The following CSMD1 variants were observed in gnomAD, a reference collection of about 807,000 sequenced individuals.
CSMD1 encodes the protein CUB and sushi domain-containing protein 1.
In CSMD1, 213 loss-of-function variants were observed where a neutral mutation model predicts 417.5. The ratio of observed to expected loss-of-function variants is 0.51; its 90% CI spans 0.46 to 0.57. CSMD1 has a LOEUF of 0.57. Ranked by LOEUF, CSMD1 falls within the 20% of genes least tolerant of loss-of-function variation. CSMD1 has a pLI of 0.00. For synonymous variants in CSMD1, 2,862 were observed against 1,736.8 expected (o/e 1.65, Z -16.11); for missense variants, 6,923 against 4,529.7 (o/e 1.53, Z -15.17).
At chr8:3,717,857 A>G (rs945515885) in intron 6 of CSMD1, among the ~76,000 whole-genome samples, 7 of 152,150 alleles carry the variant, frequency 4.6e-5, no homozygotes, top group African/African-American at 1.7e-4. Context: ...ACAATTGTAC[A>G]TTACACCAAT....
At position 3,271,149 on chromosome 8, in the gene CSMD1, G is replaced by A. The variant is rs888687808; in HGVS notation, c.4153+12995C>T. Reference sequence around the variant, plus strand: ...TGTGTTCACGTGTTCTCATTGTTCAGTTCCCACCTTTGAGTGAGAATATGC... The same window carrying A: ...TGTGTTCACGTGTTCTCATTGTTCAATTCCCACCTTTGAGTGAGAATATGC... On this transcript the variant is annotated intron_variant, in intron 26 of 69. Transcript: ENST00000635120. Among the ~76,000 whole-genome samples the A allele has an allele frequency of 3.2e-4, 45 of 140,258 alleles. 2 individuals carry two copies. In the East Asian group the frequency reaches 8.9e-3, roughly 28 times the overall value. The allele number at this position is 140,258 out of a possible 152,430, so 92.0% of individuals were successfully genotyped here.
At chr8:4,502,406 G>A (rs1802305276) in intron 2 of CSMD1, among the ~76,000 whole-genome samples, 1 of 152,106 alleles carries the variant, frequency 6.6e-6, no homozygotes, top group South Asian at 2.1e-4. Context: ...AAAAGACAGA[G>A]AGAACAAATT....
chr8:4,515,016 A>T (rs1803039680), intron 2 of CSMD1, among the ~76,000 whole-genome samples: 1 of 152,070 alleles, frequency 6.6e-6, no homozygotes, highest in Non-Finnish European at 1.5e-5. Flanking sequence ...GCAGCTTTCC[A>T]TTCTCAAAAG....
chr8:4,470,124 C>T (rs1018048954), intron 2 of CSMD1, among the ~76,000 whole-genome samples: 4 of 152,062 alleles, frequency 2.6e-5, no homozygotes, highest in African/African-American at 9.7e-5. Context: ...CCCGCCTCGG[C>T]CTCCCAAAGG....
chr8:3,714,559 CCCA>C (rs1801716365), intron 6 of CSMD1, among the ~76,000 whole-genome samples: 2 of 2,592 alleles, frequency 7.7e-4, no homozygotes, highest in Non-Finnish European at 1.4e-3. Flanking sequence ...CCATCTCTAT[CCCA>C]AAAAAAAAAA....
At chr8:3,453,651 G>C (rs867215812) in intron 12 of CSMD1, among the ~76,000 whole-genome samples, 1 of 152,154 alleles carries the variant, frequency 6.6e-6, no homozygotes, top group Admixed American at 6.6e-5. Flanking sequence ...CTGAATTGTA[G>C]TTTTATTGCA....
At chr8:4,192,182 G>A (rs1799070197) in intron 3 of CSMD1, among the ~76,000 whole-genome samples, 1 of 152,110 alleles carries the variant, frequency 6.6e-6, no homozygotes, top group Admixed American at 6.5e-5. Flanking sequence ...AGGCTCAACA[G>A]ATGGCTTTAA....
intron 5 of CSMD1, among the ~76,000 whole-genome samples, chr8:3,806,942 G>C (rs1029507685): frequency 1.3e-5 from 2 of 152,034 alleles, no homozygotes; most frequent in Admixed American, 6.6e-5. Flanking sequence ...TGTCAGATAG[G>C]ATTTAATCCA....
intron 1 of CSMD1, among the ~76,000 whole-genome samples, chr8:4,772,407 G>C (rs1022806789): frequency 1.3e-5 from 2 of 152,176 alleles, no homozygotes; most frequent in African/African-American, 4.8e-5. Context: ...GGTCCACCCT[G>C]ATAATCCAGA....
At chr8:4,611,277 A>C (rs1801153419) in intron 2 of CSMD1, among the ~76,000 whole-genome samples, 2 of 152,184 alleles carry the variant, frequency 1.3e-5, no homozygotes, top group African/African-American at 4.8e-5. Flanking sequence ...GTGTTGTGAA[A>C]ACCTTTTCAT....
At chr8:4,396,862 A>T (rs781182964) in intron 3 of CSMD1, among the ~76,000 whole-genome samples, 4 of 152,026 alleles carry the variant, frequency 2.6e-5, no homozygotes, top group Non-Finnish European at 5.9e-5. Flanking sequence ...ATGATACAAC[A>T]ACTTTCAGGA....
intron 41 of CSMD1, among the ~76,000 whole-genome samples, chr8:3,122,289 T>TA (rs1476758056): frequency 1.3e-5 from 2 of 152,062 alleles, no homozygotes; most frequent in African/African-American, 2.4e-5. Flanking sequence ...TAATTACAAA[T>TA]AAAAAAATGA....
intron 5 of CSMD1, among the ~76,000 whole-genome samples, chr8:3,995,712 C>T (rs901958819): frequency 4.6e-5 from 7 of 152,186 alleles, no homozygotes; most frequent in African/African-American, 1.4e-4. Flanking sequence ...ATAATGACCC[C>T]ACAGGGCTTT....
intron 5 of CSMD1, among the ~76,000 whole-genome samples, chr8:3,992,440 C>T (rs1277576035): frequency 6.6e-6 from 1 of 152,076 alleles, no homozygotes; most frequent in East Asian, 1.9e-4. Context: ...TGTTGAGGTG[C>T]ATAGCTTACA....
chr8:4,427,623 C>A (rs1307141605), intron 2 of CSMD1, among the ~76,000 whole-genome samples: 1 of 152,050 alleles, frequency 6.6e-6, no homozygotes, highest in Non-Finnish European at 1.5e-5. Context: ...ATTGTAAATT[C>A]CATGTAATAA....
chr8:4,823,541 T>C (rs537490382), intron 1 of CSMD1, among the ~76,000 whole-genome samples: 4 of 152,218 alleles, frequency 2.6e-5, no homozygotes, highest in Admixed American at 1.3e-4. Flanking sequence ...AAGGCTCACT[T>C]AGTCCAAGCC....
At chr8:4,673,910 T>G (rs1384109010) in intron 1 of CSMD1, among the ~76,000 whole-genome samples, 1 of 152,038 alleles carries the variant, frequency 6.6e-6, no homozygotes, top group African/African-American at 2.4e-5. Flanking sequence ...ATACAGGGTT[T>G]GGGAGGATAG....
At chr8:4,304,181 G>A (rs1033762143) in intron 3 of CSMD1, among the ~76,000 whole-genome samples, 2 of 152,086 alleles carry the variant, frequency 1.3e-5, no homozygotes, top group African/African-American at 4.8e-5. Context: ...ATTCAAATTT[G>A]GGAGAATAAG....
chr8:4,901,104 T>C (rs1238906315), intron 1 of CSMD1, among the ~76,000 whole-genome samples: 4 of 152,258 alleles, frequency 2.6e-5, no homozygotes, highest in Non-Finnish European at 5.9e-5. Flanking sequence ...GGCAACAGTA[T>C]ACCCTCGTCA....
Sources: allele counts gnomAD v4.1 joint callset (sites outside exome capture counted in the v4.1 genomes callset), GRCh38; gene constraint gnomAD v4.1.1; transcripts MANE v1.5; gene names NCBI Gene and HGNC (gene_info 2026-07-23, HGNC 2026-07-21).